VGLL4: variants seen among roughly 807,000 people sequenced by gnomAD.
VGLL4 encodes the protein vestigial like family member 4.
In VGLL4, 7 loss-of-function variants were observed where a neutral mutation model predicts 21.0. The ratio of observed to expected loss-of-function variants is 0.33; its 90% confidence interval spans 0.19 to 0.63. VGLL4 has a LOEUF of 0.63. Among genes scored for constraint, VGLL4 ranks in the 20% least tolerant of loss-of-function variants. The pLI is 0.78. For missense variants in VGLL4, 394 were observed against 425.7 expected (o/e 0.93, Z 0.66); for synonymous variants, 222 against 173.2 (o/e 1.28, Z -2.21).
chr3:11,561,435 A>G (rs867701825), intron 3 of VGLL4, among the ~76,000 whole-genome samples: 1 of 152,120 alleles, frequency 6.6e-6, no homozygotes, highest in South Asian at 2.1e-4. Flanking sequence ...TTAACCGGTC[A>G]CCTGCAGATG....
chr3:11,592,965 T>G (rs1170265020), intron 2 of VGLL4, among the ~76,000 whole-genome samples: 8 of 152,232 alleles, frequency 5.3e-5, no homozygotes, highest in African/African-American at 1.9e-4. Flanking sequence ...TCAGGACCTA[T>G]CATCATTCTC....
chr3:11,655,732 C>A (rs1361063292), intron 2 of VGLL4, among the ~76,000 whole-genome samples: 1 of 152,270 alleles, frequency 6.6e-6, no homozygotes, highest in South Asian at 2.1e-4. Context: ...CAGTTTGTGT[C>A]TGGTTCCGGC....
rs1002697913 is a variant in VGLL4, at chr3:11,568,707, G to A, written c.273-3688C>T. 48 of 1,548,806 alleles carry A rather than the reference G, an allele frequency of 3.1e-5. No homozygotes were observed. The highest frequency in any genetic ancestry group is 3.8e-4 in the Middle Eastern group (2 of 5,212). Reference sequence around the variant, plus strand: ...ACCTCCCGGCCACTGCTTCCCAGGCGTCATGTGCTCCCGGGGACGGCAGAA... The same window carrying A: ...ACCTCCCGGCCACTGCTTCCCAGGCATCATGTGCTCCCGGGGACGGCAGAA... On this transcript the variant is annotated intron_variant, in intron 2 of 4. Coordinates refer to ENST00000430365, the MANE Select transcript of VGLL4 (RefSeq NM_001128219.3). The surrounding 1 kb of genome is among the most constrained non-coding windows in gnomAD (Gnocchi z 5.9).
At chr3:11,691,921 C>T (rs1476844359) in intron 2 of VGLL4, among the ~76,000 whole-genome samples, 1 of 142,952 alleles carries the variant, frequency 7.0e-6, no homozygotes, top group Non-Finnish European at 1.5e-5. Context: ...AGATACTGAC[C>T]GGGGCAGTGA....
At chr3:11,716,329 A>G (rs1037180821) in intron 1 of VGLL4, among the ~76,000 whole-genome samples, 11 of 151,820 alleles carry the variant, frequency 7.2e-5, no homozygotes, top group Non-Finnish European at 1.5e-4. Context: ...AAGCACAAAA[A>G]TATATAAAAA....
At chr3:11,607,476 A>G (rs1401550991) in intron 1 of VGLL4, 1 of 152,186 alleles carries the variant, frequency 6.6e-6, no homozygotes, top group African/African-American at 2.4e-5. Flanking sequence ...CTTTGGGGGA[A>G]TGACAAAAAC....
chr3:11,686,470 G>C (rs536903637), intron 2 of VGLL4, among the ~76,000 whole-genome samples: 13 of 152,304 alleles, frequency 8.5e-5, no homozygotes, highest in African/African-American at 3.1e-4. Context: ...CAAATTCCTA[G>C]AGACAGTGGA....
chr3:11,707,053 C>T (rs776070351), intron 1 of VGLL4, among the ~76,000 whole-genome samples: 7 of 151,840 alleles, frequency 4.6e-5, no homozygotes, highest in African/African-American at 9.7e-5. Flanking sequence ...ATGTGGCTCA[C>T]GCCTATAGTC....
At chr3:11,684,922 T>C (rs2076425241) in intron 2 of VGLL4, among the ~76,000 whole-genome samples, 1 of 152,158 alleles carries the variant, frequency 6.6e-6, no homozygotes. Flanking sequence ...CAGATTATTT[T>C]GTCACTCAGG....
intron 1 of VGLL4, chr3:11,610,499 T>C (rs2075040238): frequency 6.6e-6 from 1 of 152,152 alleles, no homozygotes; most frequent in Admixed American, 6.5e-5. Context: ...GCACCTCTCA[T>C]ACTATAATGC....
intron 1 of VGLL4, among the ~76,000 whole-genome samples, chr3:11,619,023 G>T (rs1342576824): frequency 6.6e-6 from 1 of 152,244 alleles, no homozygotes; most frequent in Non-Finnish European, 1.5e-5. Context: ...ATTGTGCTCA[G>T]AAAAGTTGTG....
chr3:11,596,711 C>T (rs2074654290), intron 2 of VGLL4, among the ~76,000 whole-genome samples: 1 of 152,156 alleles, frequency 6.6e-6, no homozygotes, highest in Admixed American at 6.5e-5. Context: ...CATGTGGCTA[C>T]TAAGCTTGAA....
intron 1 of VGLL4, chr3:11,611,655 C>A (rs902728833): frequency 1.3e-5 from 2 of 152,224 alleles, no homozygotes; most frequent in African/African-American, 4.8e-5. Flanking sequence ...ATGAAAGCAA[C>A]TGAACGTACA....
chr3:11,574,019 G>C (rs2073953865), intron 2 of VGLL4, among the ~76,000 whole-genome samples: 1 of 152,206 alleles, frequency 6.6e-6, no homozygotes, highest in Non-Finnish European at 1.5e-5. Flanking sequence ...TGGAATGCCA[G>C]AGGCCACCAG....
At chr3:11,714,755 T>C (rs2124828102) in intron 1 of VGLL4, among the ~76,000 whole-genome samples, 1 of 152,316 alleles carries the variant, frequency 6.6e-6, no homozygotes, top group Admixed American at 6.5e-5. Context: ...ACTTAAAATT[T>C]GAATACTTAT....
Position 11,556,921 on chromosome 3 carries a change from C to T in VGLL4, c.*1635G>A, listed in dbSNP as rs2072477609. On this transcript the variant is annotated 3_prime_UTR_variant, in exon 5 of 5. Coordinates refer to ENST00000430365, the MANE Select transcript of VGLL4 (RefSeq NM_001128219.3). ...CCTCCACTTTTCAAAGGCCTGCAGC[C>T]ACTCTGTGACTACAAGAGCCAGTCC... The T allele has an allele frequency of 6.5e-6, 1 of 152,754 alleles. No homozygotes were observed. Among genetic ancestry groups the T allele is most frequent in the South Asian group, 2.1e-4 (1 of 4,832 alleles). 9.5% of individuals were successfully genotyped at this position (152,754 alleles called of 1,614,324 possible). A position where few individuals can be genotyped will look rare whatever the true frequency, so the allele number is the denominator to read the frequency against.
At chr3:11,678,441 G>C (rs1307232889) in intron 2 of VGLL4, among the ~76,000 whole-genome samples, 1 of 152,232 alleles carries the variant, frequency 6.6e-6, no homozygotes, top group East Asian at 1.9e-4. Context: ...TTTCCCTCCA[G>C]AACACAGAGT....
intron 2 of VGLL4, among the ~76,000 whole-genome samples, chr3:11,690,807 G>T (rs920716316): frequency 1.3e-5 from 2 of 152,032 alleles, no homozygotes; most frequent in Non-Finnish European, 2.9e-5. Context: ...AGCCAATGAG[G>T]ATTAAGTTTG....
intron 1 of VGLL4, chr3:11,612,314 T>C (rs948520357): frequency 6.8e-6 from 1 of 147,308 alleles, no homozygotes; most frequent in Admixed American, 7.0e-5. Context: ...ACAACTGAAC[T>C]GTATCTTGAT....
Sources: allele counts gnomAD v4.1 joint callset (sites outside exome capture counted in the v4.1 genomes callset), GRCh38; gene constraint gnomAD v4.1.1; non-coding constraint Gnocchi (gnomAD v3.1); transcripts MANE v1.5; gene names NCBI Gene and HGNC (gene_info 2026-07-23, HGNC 2026-07-21).